The following AJAP1 variants were observed in gnomAD, a reference collection of about 807,000 sequenced individuals.
The protein encoded by AJAP1 is adherens junctions associated protein 1.
A neutral mutation model predicts 35.0 loss-of-function variants in AJAP1; 5 were observed. The observed-to-expected ratio is 0.14, with a 90% CI of 0.07 to 0.30. AJAP1 has a LOEUF of 0.30. AJAP1 is among the 10% of genes least tolerant of loss of function. The probability of loss-of-function intolerance (pLI) is 1.00; values close to 1 mark genes in which losing one functional copy is unlikely to be tolerated. For missense variants in AJAP1, 586 were observed against 571.0 expected, an observed-to-expected ratio of 1.03 and a Z score of -0.27; for synonymous variants, 284 against 249.3, an observed-to-expected ratio of 1.14 and a Z score of -1.31.
chr1:4,703,043 C>T (rs532914773), intron 1 of AJAP1, among the ~76,000 whole-genome samples: 7 of 152,262 alleles, frequency 4.6e-5, no homozygotes, highest in East Asian at 1.9e-4. Flanking sequence ...GTATCGCATG[C>T]GCGCTGGACG....
intron 4 of AJAP1, among the ~76,000 whole-genome samples, chr1:4,774,184 G>A (rs553839231): frequency 6.6e-6 from 1 of 152,322 alleles, no homozygotes; most frequent in African/African-American, 2.4e-5. Context: ...CAAAGTGCTC[G>A]TGTGCCCAGA....
chr1:4,657,645 C>T (rs369413523), intron 1 of AJAP1, among the ~76,000 whole-genome samples: 4 of 149,428 alleles, frequency 2.7e-5, no homozygotes, highest in African/African-American at 9.9e-5. Flanking sequence ...CACTGAGCCT[C>T]CAGCTGGGGT....
chr1:4,778,720 C>T (rs746043071), intron 5 of AJAP1, among the ~76,000 whole-genome samples: 15 of 152,090 alleles, frequency 9.9e-5, no homozygotes, highest in East Asian at 3.9e-4. Context: ...CCTGCATAGC[C>T]GGGGATGTCT....
At chr1:4,701,576 G>T (rs970641337) in intron 1 of AJAP1, among the ~76,000 whole-genome samples, 1 of 152,172 alleles carries the variant, frequency 6.6e-6, no homozygotes, top group Non-Finnish European at 1.5e-5. Flanking sequence ...GTCTTTTGTG[G>T]TGGAGTCTGT....
chr1:4,683,660 T>C (rs1639538452), intron 1 of AJAP1, among the ~76,000 whole-genome samples: 1 of 152,152 alleles, frequency 6.6e-6, no homozygotes, highest in South Asian at 2.1e-4. Flanking sequence ...CTCTTGCAAA[T>C]ATACTTGACT....
chr1:4,760,018 C>A (rs1350475783), intron 2 of AJAP1, among the ~76,000 whole-genome samples: 1 of 152,194 alleles, frequency 6.6e-6, no homozygotes, highest in Non-Finnish European at 1.5e-5. Flanking sequence ...TTCCCCCCAG[C>A]ACTGGCCTTC....
At position 4,731,041 on chromosome 1, in the gene AJAP1, T is replaced by A. The variant is rs554427622; in HGVS notation, c.829+18342T>A. Among the ~76,000 whole-genome samples, 93 of 152,342 alleles carry A rather than the reference T, an allele frequency of 6.1e-4. 1 individual carries two copies. Among genetic ancestry groups the A allele is most frequent in the East Asian group, 2.7e-3 (14 of 5,178 alleles). On this transcript the variant is annotated intron_variant, in intron 2 of 5. Coordinates refer to ENST00000378191, the MANE Select transcript of AJAP1 (RefSeq NM_018836.4). ...ACATTTGTTTTTTGTTTTGATTTTT[T>A]AATTTTATTTATTTTAGGTTTTAGG...
intron 2 of AJAP1, among the ~76,000 whole-genome samples, chr1:4,747,464 C>G (rs999840973): frequency 6.6e-6 from 1 of 152,162 alleles, no homozygotes; most frequent in Admixed American, 6.5e-5. Flanking sequence ...CTTTAGGCTT[C>G]TTTCAAAATC....
chr1:4,731,882 T>G (rs959155672), intron 2 of AJAP1, among the ~76,000 whole-genome samples: 11 of 152,322 alleles, frequency 7.2e-5, no homozygotes, highest in Admixed American at 7.2e-4. Flanking sequence ...CTGGGAGCCC[T>G]CCTGGAGAGG....
In AJAP1 at chr1:4,790,202, G is replaced by A. The variant is rs1302531795; in HGVS notation, c.*7717G>A. 6.6e-6 allele frequency: 1 copy of A among 152,268 alleles called. No homozygotes were observed. The highest frequency in any genetic ancestry group is 1.9e-4 in the East Asian group (1 of 5,200). 9.4% of individuals were successfully genotyped at this position (152,268 alleles called of 1,614,324 possible). A position where few individuals can be genotyped will look rare whatever the true frequency, so the allele number is the denominator to read the frequency against. On this transcript the variant is annotated 3_prime_UTR_variant, in exon 6 of 6. Coordinates refer to ENST00000378191, the MANE Select transcript of AJAP1 (RefSeq NM_018836.4). ...GGTTTTCTATAGGGCAGCAGCTGCT[G>A]CTCCCAGGGGAACCCTCTCCTGTTG... is the stretch of plus-strand genomic sequence containing the variant.
chr1:4,779,502 C>T (rs553503276), intron 5 of AJAP1, among the ~76,000 whole-genome samples: 12 of 152,154 alleles, frequency 7.9e-5, no homozygotes, highest in Admixed American at 7.2e-4. Context: ...GGAGCACAGC[C>T]AGACAGACGC....
chr1:4,757,957 T>C (rs532504770), intron 2 of AJAP1, among the ~76,000 whole-genome samples: 2 of 151,612 alleles, frequency 1.3e-5, no homozygotes, highest in East Asian at 1.9e-4. Flanking sequence ...AATTTAATCA[T>C]GGAAGTGATC....
chr1:4,769,786 T>G, intron 2 of AJAP1, 67 bp from the exon 3 acceptor site: 1 of 1,407,462 alleles, frequency 7.1e-7, no homozygotes, highest in South Asian at 1.1e-5. Flanking sequence ...CCTCCACCTT[T>G]CCCGGCCCCC....
intron 2 of AJAP1, among the ~76,000 whole-genome samples, chr1:4,757,142 C>T (rs900806390): frequency 4.6e-5 from 7 of 152,218 alleles, no homozygotes; most frequent in Non-Finnish European, 7.3e-5. Flanking sequence ...TTCTCTGTGT[C>T]AGTGGAGGCC....
chr1:4,756,907 G>C (rs928115764), intron 2 of AJAP1, among the ~76,000 whole-genome samples: 1 of 152,194 alleles, frequency 6.6e-6, no homozygotes, highest in Non-Finnish European at 1.5e-5. Flanking sequence ...CCCTCCAAGT[G>C]TGGAACCTCA....
In AJAP1 at chr1:4,755,010, C is replaced by T. The variant is rs369590445; in HGVS notation, c.830-14843C>T. On this transcript the variant is annotated intron_variant, in intron 2 of 5. Coordinates refer to ENST00000378191, the MANE Select transcript of AJAP1 (RefSeq NM_018836.4). Reference sequence around the variant, plus strand: ...CCCCCAGCTGGCCCACCAGGTGTCTCTGCCTTGGAGCCAGGTGGTATGAGC... The same window carrying T: ...CCCCCAGCTGGCCCACCAGGTGTCTTTGCCTTGGAGCCAGGTGGTATGAGC... Among the ~76,000 whole-genome samples the T allele has an allele frequency of 5.9e-5, 9 of 152,258 alleles. No homozygotes were observed. In the East Asian group the frequency reaches 1.6e-3, roughly 26 times the overall value.
intron 1 of AJAP1, among the ~76,000 whole-genome samples, chr1:4,661,136 G>A (rs1422050944): frequency 6.6e-6 from 1 of 152,176 alleles, no homozygotes; most frequent in Non-Finnish European, 1.5e-5. Context: ...CTGGGGGCTG[G>A]GGTGCTCTAT....
intron 1 of AJAP1, among the ~76,000 whole-genome samples, chr1:4,694,763 C>T (rs529680528): frequency 6.6e-6 from 1 of 152,326 alleles, no homozygotes; most frequent in Admixed American, 6.5e-5. Context: ...GACCTACAGC[C>T]AGCAGGTACC....
intron 5 of AJAP1, among the ~76,000 whole-genome samples, chr1:4,780,336 C>T (rs80300325): frequency 0.015 from 2,228 of 151,948 alleles, 50 homozygotes; most frequent in African/African-American, 0.043. Flanking sequence ...TTCTACTCTT[C>T]GTCTCTGTGG....
Sources: allele counts gnomAD v4.1 joint callset (sites outside exome capture counted in the v4.1 genomes callset), GRCh38; gene constraint gnomAD v4.1.1; transcripts MANE v1.5; gene names NCBI Gene and HGNC (gene_info 2026-07-23, HGNC 2026-07-21).